The following PSMD1 variants were observed in gnomAD, a reference collection of about 807,000 sequenced individuals.
The protein encoded by PSMD1 is 26S proteasome non-ATPase regulatory subunit 1.
In PSMD1, 18 loss-of-function variants were observed where a neutral mutation model predicts 119.0. That is an observed-to-expected ratio of 0.15 (90% confidence interval 0.10 to 0.22). The LOEUF is 0.22. PSMD1 is among the 10% of genes least tolerant of loss of function. The pLI, the probability that PSMD1 is intolerant of heterozygous loss-of-function variation, is 1.00. For synonymous variants in PSMD1, 374 were observed against 396.6 expected (o/e 0.94, Z 0.68); for missense variants, 702 against 1,158.5 (o/e 0.61, Z 5.72).
At chr2:231,090,578 A>T (rs1694566831) in intron 16 of PSMD1, among the ~76,000 whole-genome samples, 1 of 152,186 alleles carries the variant, frequency 6.6e-6, no homozygotes. Context: ...AATAATAAAT[A>T]AAAAAGACTA....
chr2:231,113,606 TGTATCA>T, intron 16 of PSMD1: 1 of 832,078 alleles, frequency 1.2e-6, no homozygotes, highest in African/African-American at 1.7e-5. Context: ...CTTATGTTAA[TGTATCA>T]GTAGGCTGGC....
At chr2:231,071,785 C>T (rs1423666287) in intron 6 of PSMD1, among the ~76,000 whole-genome samples, 1 of 152,028 alleles carries the variant, frequency 6.6e-6, no homozygotes, top group Non-Finnish European at 1.5e-5. Flanking sequence ...GTCTCTTGTC[C>T]TGGCCCAACA....
rs369784382 is a variant in PSMD1, at chr2:231,078,631, T to G, written c.1072-28T>G. ...GCATATATGAATACTTTGCCAGTGA[T>G]GAAACAATTCTGTATTTGTTGTTGC... On this transcript the variant is annotated intron_variant, in intron 9 of 24. Coordinates refer to ENST00000308696, the MANE Select transcript of PSMD1 (RefSeq NM_002807.4). The G allele has an allele frequency of 7.0e-6, 11 of 1,567,256 alleles. No individual in the cohort carries two copies. The African/African-American group carries it at 1.1e-4, about 16-fold the overall frequency.
At chr2:231,101,311 T>C (rs1265582803) in intron 16 of PSMD1, among the ~76,000 whole-genome samples, 2 of 152,324 alleles carry the variant, frequency 1.3e-5, no homozygotes, top group East Asian at 3.9e-4. Flanking sequence ...TAACTGCCTT[T>C]AGCTAAATCC....
intron 16 of PSMD1, among the ~76,000 whole-genome samples, chr2:231,116,803 T>G (rs562200682): frequency 6.6e-6 from 1 of 152,242 alleles, no homozygotes; most frequent in African/African-American, 2.4e-5. Flanking sequence ...CAGAATTTTC[T>G]TTAAGAAAGA....
At chr2:231,124,769 G>A (rs1483404081) in intron 16 of PSMD1, among the ~76,000 whole-genome samples, 1 of 151,902 alleles carries the variant, frequency 6.6e-6, no homozygotes, top group Admixed American at 6.6e-5. Context: ...AGAAGAAAGG[G>A]AAACCAAAAG....
intron 1 of PSMD1, among the ~76,000 whole-genome samples, chr2:231,057,686 G>C (rs1489238381): frequency 6.6e-6 from 1 of 152,234 alleles, no homozygotes; most frequent in Non-Finnish European, 1.5e-5. Flanking sequence ...TGCTCAGTCT[G>C]TTGACTGTAC....
chr2:231,092,493 G>A (rs1352436784), intron 16 of PSMD1, among the ~76,000 whole-genome samples: 1 of 152,172 alleles, frequency 6.6e-6, no homozygotes, highest in Non-Finnish European at 1.5e-5. Context: ...GGTGTAAAGG[G>A]AGATGCTAAG....
chr2:231,109,478 G>C (rs989625858), intron 16 of PSMD1: 3 of 1,317,818 alleles, frequency 2.3e-6, no homozygotes, highest in Non-Finnish European at 3.3e-6. Flanking sequence ...AGATCCTTTT[G>C]GATTGTATCC....
At chr2:231,131,569 C>T (rs1393405176) in intron 16 of PSMD1, among the ~76,000 whole-genome samples, 2 of 52,532 alleles carry the variant, frequency 3.8e-5, no homozygotes, top group Middle Eastern at 8.2e-3. Context: ...GAGACCATCC[C>T]GGCTAAAACG....
chr2:231,165,334 T>TCATGTCTCTGA lies in PSMD1; in HGVS notation c.2568+52_2568+53insTCTCTGACATG. 3 of 1,508,966 alleles carry TCATGTCTCTGA rather than the reference T, an allele frequency of 2.0e-6. No homozygotes were observed. In the South Asian group the frequency reaches 3.7e-5, roughly 19 times the overall value. The allele number at this position is 1,508,966 out of a possible 1,614,324, so 93.5% of individuals were successfully genotyped here. ...ATGGATTGAAGTATCTCTGTCTCTG[T>TCATGTCTCTGA]CATGGTCGAGATTCTTCCTTAGTTG... On this transcript the variant is annotated intron_variant, in intron 22 of 24. Transcript: ENST00000308696.
chr2:231,075,609 CTGAT>C, intron 8 of PSMD1, 38 bp downstream of exon 8: 2 of 1,579,860 alleles, frequency 1.3e-6, no homozygotes, highest in Non-Finnish European at 1.7e-6. Flanking sequence ...AGACAGGGTC[CTGAT>C]CTGTCACCCA....
intron 16 of PSMD1, among the ~76,000 whole-genome samples, chr2:231,096,685 T>C (rs931947066): frequency 6.6e-5 from 10 of 152,246 alleles, no homozygotes; most frequent in Non-Finnish European, 1.3e-4. Context: ...CCCTTACAGA[T>C]GGAGCAGTGG....
chr2:231,075,661 C>T, intron 8 of PSMD1, 90 bp downstream of exon 8: 1 of 1,126,666 alleles, frequency 8.9e-7, no homozygotes, highest in Non-Finnish European at 1.3e-6. Flanking sequence ...CTCACTACAA[C>T]CTCTGCCTCC....
At position 231,170,732 on chromosome 2, in the gene PSMD1, A is replaced by C; in HGVS notation, c.*9+11A>C. ...GATTAAGGGCCAGAGGTGCGTGTGC[A>C]ACAAAATTATGAAGGGAAACTTCTT... is the stretch of plus-strand genomic sequence containing the variant. On this transcript the variant is annotated intron_variant, in intron 24 of 24. Coordinates refer to ENST00000308696, the MANE Select transcript of PSMD1 (RefSeq NM_002807.4). The surrounding 1 kb of genome is among the most constrained non-coding windows in gnomAD (Gnocchi z 4.1). 1.3e-6 allele frequency: 2 copies of C among 1,566,176 alleles called. No homozygotes were observed.
intron 16 of PSMD1, among the ~76,000 whole-genome samples, chr2:231,101,320 C>T (rs558077875): frequency 2.6e-5 from 4 of 152,252 alleles, no homozygotes; most frequent in African/African-American, 7.2e-5. Context: ...TTAGCTAAAT[C>T]CTCTTTTGAA....
intron 19 of PSMD1, among the ~76,000 whole-genome samples, chr2:231,160,704 A>G (rs1323585813): frequency 6.6e-6 from 1 of 152,180 alleles, no homozygotes; most frequent in Non-Finnish European, 1.5e-5. Flanking sequence ...ATTTAGCATC[A>G]CAGTTTTGAT....
intron 19 of PSMD1, among the ~76,000 whole-genome samples, chr2:231,159,307 A>G (rs1696580450): frequency 6.6e-6 from 1 of 152,186 alleles, no homozygotes; most frequent in Admixed American, 6.5e-5. Context: ...ATAATGGTGT[A>G]TTTTGTTTTG....
In PSMD1 at chr2:231,108,599, G is replaced by C. The variant is rs1309735509; in HGVS notation, c.1883+21418G>C. On this transcript the variant is annotated intron_variant, in intron 16 of 24. Coordinates refer to ENST00000308696, the MANE Select transcript of PSMD1 (RefSeq NM_002807.4). ...CGTATCTAGTAGAATGATTGATGAA[G>C]ACTGAATGGTTGAACTTCGGAGCCT... 1.9e-6 allele frequency: 3 copies of C among 1,613,704 alleles called. No individual in the cohort carries two copies. In the African/African-American group the frequency reaches 4.0e-5, roughly 22 times the overall value.
Sources: allele counts gnomAD v4.1 joint callset (sites outside exome capture counted in the v4.1 genomes callset), GRCh38; gene constraint gnomAD v4.1.1; non-coding constraint Gnocchi (gnomAD v3.1); transcripts MANE v1.5; gene names NCBI Gene and HGNC (gene_info 2026-07-23, HGNC 2026-07-21).